Variants in KANK1 observed in about 807,000 individuals in gnomAD.
KANK1 encodes KN motif and ankyrin repeat domains 1.
KANK1 carries 109 observed loss-of-function variants against 106.2 expected under a neutral mutation model. The ratio of observed to expected loss-of-function variants is 1.03; its 90% CI spans 0.88 to 1.20. KANK1 has a LOEUF of 1.20. Among genes scored for constraint, KANK1 ranks in the 50% most tolerant of loss-of-function variants. KANK1 has a pLI of 0.00. For missense variants in KANK1, 2,399 were observed against 1,710.7 expected, an observed-to-expected ratio of 1.40 and a Z score of -7.10; for synonymous variants, 873 against 652.2, an observed-to-expected ratio of 1.34 and a Z score of -5.16.
chr9:573,627 G>T (rs1468883226), intron 1 of KANK1, among the ~76,000 whole-genome samples: 2 of 152,176 alleles, frequency 1.3e-5, no homozygotes, highest in Middle Eastern at 6.8e-3. Flanking sequence ...AGAAAAGGTG[G>T]TGAGGATAGC....
chr9:667,233 T>C (rs1844842061), intron 1 of KANK1, among the ~76,000 whole-genome samples: 1 of 152,096 alleles, frequency 6.6e-6, no homozygotes, highest in Admixed American at 6.6e-5. Flanking sequence ...TTGGCAATTG[T>C]CTCTAATGAT....
intron 1 of KANK1, among the ~76,000 whole-genome samples, chr9:654,902 G>C (rs938858432): frequency 6.6e-6 from 1 of 152,040 alleles, no homozygotes; most frequent in African/African-American, 2.4e-5. Flanking sequence ...AAGTTCCCTA[G>C]TGATGGTGAT....
chr9:513,057 T>A (rs1587387104), intron 1 of KANK1, among the ~76,000 whole-genome samples: 1 of 152,250 alleles, frequency 6.6e-6, no homozygotes, highest in Non-Finnish European at 1.5e-5. Flanking sequence ...TGGTTGAGGC[T>A]TGACAATGAG....
Position 619,493 on chromosome 9 carries a change from G to A in KANK1, c.-83-57397G>A, listed in dbSNP as rs117095299. Among the ~76,000 whole-genome samples, 76 of 152,174 alleles carry A rather than the reference G, an allele frequency of 5.0e-4. 1 individual carries two copies. The highest frequency in any genetic ancestry group is 1.2e-3 in the African/African-American group (51 of 41,528). On this transcript the variant is annotated intron_variant, in intron 1 of 11. Transcript: ENST00000382297. The stretch of plus-strand genomic sequence containing the variant: ...ATTTTGAAAACATGGGAGTATTAAC[G>A]CAAAGAAGAGCCAACATTAGTTCAG...
intron 1 of KANK1, among the ~76,000 whole-genome samples, chr9:671,471 G>A (rs1297560451): frequency 5.5e-5 from 2 of 36,138 alleles, no homozygotes; most frequent in African/African-American, 1.4e-4. Flanking sequence ...CGGTGAAACC[G>A]CATCTCTACT....
chr9:519,395 T>C (rs992854541), intron 1 of KANK1, among the ~76,000 whole-genome samples: 3 of 151,752 alleles, frequency 2.0e-5, no homozygotes, highest in Non-Finnish European at 4.4e-5. Flanking sequence ...TTTTAATTCT[T>C]GTATATTTTC....
At chr9:542,047 C>G (rs576616680) in intron 1 of KANK1, among the ~76,000 whole-genome samples, 32 of 151,894 alleles carry the variant, frequency 2.1e-4, no homozygotes, top group South Asian at 4.2e-4. Context: ...CGAGATCGCG[C>G]CACTGCACTC....
In KANK1 at chr9:543,709, A is replaced by T. The variant is rs75086359; in HGVS notation, c.-84+38955A>T. Among the ~76,000 whole-genome samples, 123 of 152,336 alleles carry T rather than the reference A, an allele frequency of 8.1e-4. 1 individual carries two copies. Among genetic ancestry groups the T allele is most frequent in the African/African-American group, 2.9e-3 (120 of 41,576 alleles). ...ATTGTGCATTATGCTGTCAGTGCAG[A>T]TGGAAAACTAGCAGCAGTTTACAAA... is the stretch of plus-strand genomic sequence containing the variant. On this transcript the variant is annotated intron_variant, in intron 1 of 11. Transcript: ENST00000382297.
At chr9:535,797 C>G (rs1360551790) in intron 1 of KANK1, among the ~76,000 whole-genome samples, 3 of 152,142 alleles carry the variant, frequency 2.0e-5, no homozygotes, top group African/African-American at 7.2e-5. Flanking sequence ...CTACCATGCT[C>G]GTCACAAGCA....
At chr9:575,031 C>A (rs1277990449) in intron 1 of KANK1, among the ~76,000 whole-genome samples, 1 of 152,052 alleles carries the variant, frequency 6.6e-6, no homozygotes, top group Non-Finnish European at 1.5e-5. Flanking sequence ...ATTTGCTAGG[C>A]TTTATGTTTA....
intron 1 of KANK1, among the ~76,000 whole-genome samples, chr9:647,695 C>T (rs1017435363): frequency 6.6e-6 from 1 of 150,882 alleles, no homozygotes; most frequent in Non-Finnish European, 1.5e-5. Flanking sequence ...ACAATCTCAT[C>T]AGATGTCCTG....
intron 1 of KANK1, among the ~76,000 whole-genome samples, chr9:539,015 G>A (rs1446213504): frequency 6.6e-6 from 1 of 151,882 alleles, no homozygotes; most frequent in Non-Finnish European, 1.5e-5. Flanking sequence ...CGAGTAGCTG[G>A]GATTACAGGC....
intron 3 of KANK1, among the ~76,000 whole-genome samples, chr9:485,611 G>T (rs925058590): frequency 6.6e-6 from 1 of 152,140 alleles, no homozygotes; most frequent in Non-Finnish European, 1.5e-5. Flanking sequence ...AGTGGTTCAC[G>T]CCTGTAATCC....
intron 1 of KANK1, among the ~76,000 whole-genome samples, chr9:668,419 G>A (rs1453182860): frequency 6.6e-6 from 1 of 152,100 alleles, no homozygotes; most frequent in Non-Finnish European, 1.5e-5. Flanking sequence ...TCCATCAAAT[G>A]TATTAATCAG....
At chr9:683,196 C>T (rs1162459876) in intron 2 of KANK1, among the ~76,000 whole-genome samples, 1 of 152,138 alleles carries the variant, frequency 6.6e-6, no homozygotes, top group East Asian at 1.9e-4. Flanking sequence ...ACTATGGCTG[C>T]TTTAATTCAT....
intron 8 of KANK1, among the ~76,000 whole-genome samples, chr9:739,129 C>T (rs1055230807): frequency 6.6e-6 from 1 of 152,178 alleles, no homozygotes; most frequent in South Asian, 2.1e-4. Flanking sequence ...CAGTGGACAT[C>T]TTAGACATGA....
intron 1 of KANK1, among the ~76,000 whole-genome samples, chr9:594,114 T>C (rs182194233): frequency 2.0e-5 from 3 of 151,988 alleles, no homozygotes; most frequent in Non-Finnish European, 4.4e-5. Context: ...TATGCAGAAG[T>C]GCACTTGTTG....
At chr9:663,956 A>G (rs1330792535) in intron 1 of KANK1, among the ~76,000 whole-genome samples, 1 of 152,022 alleles carries the variant, frequency 6.6e-6, no homozygotes, top group Non-Finnish European at 1.5e-5. Context: ...CTCTTCAAAT[A>G]AGGTCGTATG....
upstream of KANK1, among the ~76,000 whole-genome samples, chr9:500,299 A>G (rs1288744856): frequency 1.3e-5 from 2 of 152,246 alleles, no homozygotes; most frequent in African/African-American, 4.8e-5. Flanking sequence ...CATGTCAGCT[A>G]TGGAGTTATC....
Sources: allele counts gnomAD v4.1 joint callset (sites outside exome capture counted in the v4.1 genomes callset), GRCh38; gene constraint gnomAD v4.1.1; transcripts MANE v1.5; gene names NCBI Gene and HGNC (gene_info 2026-07-23, HGNC 2026-07-21).